Variants in LOC400499 observed in about 807,000 individuals in gnomAD.
chr16:11,387,835 G>A, the LOC400499 span, among the ~76,000 whole-genome samples: 2 of 152,068 alleles, frequency 1.3e-5, no homozygotes, highest in South Asian at 2.1e-4. Flanking sequence ...CATTGGCCAG[G>A]CTAGTCTCAA....
chr16:11,520,614 C>G, the LOC400499 span, among the ~76,000 whole-genome samples: 1 of 139,914 alleles, frequency 7.1e-6, no homozygotes, highest in African/African-American at 2.7e-5. Context: ...TTGCAATGAG[C>G]TGAGATTGTG....
the LOC400499 span, among the ~76,000 whole-genome samples, chr16:11,525,329 C>T: frequency 6.6e-6 from 1 of 151,040 alleles, no homozygotes; most frequent in African/African-American, 2.4e-5. Context: ...ATCATTTCCC[C>T]AAAACGGGGA....
chr16:11,498,639 C>A, the LOC400499 span, among the ~76,000 whole-genome samples: 1 of 151,990 alleles, frequency 6.6e-6, no homozygotes, highest in African/African-American at 2.4e-5. Flanking sequence ...CCAGAACCTG[C>A]CAGGGCTCAT....
the LOC400499 span, among the ~76,000 whole-genome samples, chr16:11,510,702 G>C: frequency 6.6e-6 from 1 of 151,536 alleles, no homozygotes; most frequent in Non-Finnish European, 1.5e-5. Flanking sequence ...CACAACAGGT[G>C]CTCAGACAAG....
chr16:11,469,286 G>C, the LOC400499 span: 1 of 399,232 alleles, frequency 2.5e-6, no homozygotes, highest in Non-Finnish European at 4.4e-6. Flanking sequence ...TTAGAGACAA[G>C]GGTTCAACAT....
chr16:11,396,349 A>G, the LOC400499 span: 2 of 674,294 alleles, frequency 3.0e-6, no homozygotes, highest in Non-Finnish European at 2.1e-6. Flanking sequence ...CCCGACCCAG[A>G]ATGAAGCTCT....
the LOC400499 span, among the ~76,000 whole-genome samples, chr16:11,492,096 G>T: frequency 1.9e-4 from 29 of 152,160 alleles, no homozygotes; most frequent in African/African-American, 7.0e-4. Context: ...CCAACAAATG[G>T]GCATGGCTAC....
the LOC400499 span, chr16:11,494,896 T>G: frequency 2.5e-6 from 1 of 397,398 alleles, no homozygotes; most frequent in Non-Finnish European, 4.4e-6. Flanking sequence ...CAAATTGCTC[T>G]TTTCAGGGAA....
chr16:11,493,809 G>A, the LOC400499 span: 3 of 365,486 alleles, frequency 8.2e-6, no homozygotes, highest in Non-Finnish European at 1.4e-5. Context: ...AAATCGAGAT[G>A]GAGGTAGGAC....
the LOC400499 span, chr16:11,414,531 G>A: frequency 2.5e-6 from 1 of 399,682 alleles, no homozygotes; most frequent in Non-Finnish European, 4.4e-6. Context: ...AATGGCATGG[G>A]CTACTGAAGA....
chr16:11,500,677 G>T, the LOC400499 span: 9 of 396,794 alleles, frequency 2.3e-5, no homozygotes, highest in East Asian at 7.1e-5. Context: ...AGGATGGGTG[G>T]TCTGGCCTCC....
chr16:11,396,986 G>C, the LOC400499 span, among the ~76,000 whole-genome samples: 1 of 152,292 alleles, frequency 6.6e-6, no homozygotes, highest in East Asian at 1.9e-4. Flanking sequence ...ACTCACCAGT[G>C]AGGCCCCTTT....
chr16:11,382,169 C>T, the LOC400499 span, among the ~76,000 whole-genome samples: 1 of 151,746 alleles, frequency 6.6e-6, no homozygotes, highest in African/African-American at 2.4e-5. Flanking sequence ...AACTCCTGAC[C>T]TCAGGTGATC....
the LOC400499 span, among the ~76,000 whole-genome samples, chr16:11,383,286 C>G: frequency 6.6e-6 from 1 of 152,160 alleles, no homozygotes; most frequent in East Asian, 1.9e-4. Context: ...CCAGGATGGT[C>G]TCGATCTCCT....
the LOC400499 span, chr16:11,446,562 C>G: frequency 2.0e-6 from 3 of 1,535,982 alleles, no homozygotes; most frequent in African/African-American, 2.7e-5. Flanking sequence ...TGTGCTGATT[C>G]CAAGTAACCA....
chr16:11,507,103 C>A, the LOC400499 span, among the ~76,000 whole-genome samples: 4 of 152,210 alleles, frequency 2.6e-5, no homozygotes, highest in Admixed American at 1.3e-4. Flanking sequence ...CTGAGCCACC[C>A]CTGCCAGGGG....
chr16:11,426,156 C>T, the LOC400499 span, among the ~76,000 whole-genome samples: 1 of 152,196 alleles, frequency 6.6e-6, no homozygotes, highest in African/African-American at 2.4e-5. Flanking sequence ...TAAAAACTGG[C>T]CAGGCGCGGT....
At chr16:11,471,455 G>C in the LOC400499 span, 4 of 391,156 alleles carry the variant, frequency 1.0e-5, no homozygotes, top group East Asian at 1.5e-4. Flanking sequence ...GAGACCTAAA[G>C]ACTGATTCAG....
the LOC400499 span, among the ~76,000 whole-genome samples, chr16:11,386,537 G>T: frequency 2.7e-4 from 41 of 152,346 alleles, no homozygotes; most frequent in African/African-American, 9.9e-4. Context: ...CCAAGCCTGG[G>T]TACCGGGGTT....
Sources: gnomAD v4.1 joint callset for allele counts (sites outside exome capture counted in the v4.1 genomes callset) on GRCh38, gnomAD v4.1.1 for gene constraint, MANE v1.5 for transcripts.